PTPRD: variants seen among roughly 807,000 people sequenced by gnomAD.
PTPRD encodes protein tyrosine phosphatase receptor type D.
A neutral mutation model predicts 214.5 loss-of-function variants in PTPRD; 34 were observed. The observed-to-expected ratio is 0.16, with a 90% CI of 0.12 to 0.21. The LOEUF (loss-of-function observed/expected upper bound fraction) is 0.21. Ranked by LOEUF, PTPRD falls within the 10% of genes least tolerant of loss-of-function variation. The pLI is 1.00. For missense variants in PTPRD, 2,545 were observed against 2,398.7 expected (o/e 1.06, Z -1.27); for synonymous variants, 1,128 against 845.7 (o/e 1.33, Z -5.79).
chr9:10,290,656 A>C (rs148010734), intron 3 of PTPRD, among the ~76,000 whole-genome samples: 29 of 152,254 alleles, frequency 1.9e-4, no homozygotes, highest in African/African-American at 6.3e-4. Context: ...GGTTTTAATT[A>C]AGGAGAGCAA....
intron 3 of PTPRD, among the ~76,000 whole-genome samples, chr9:10,226,367 G>A (rs776772980): frequency 4.6e-5 from 7 of 151,944 alleles, no homozygotes; most frequent in African/African-American, 1.7e-4. Context: ...ATGGAATATA[G>A]TCCTCCCTCC....
chr9:9,100,299 A>G (rs2099789513), intron 10 of PTPRD, among the ~76,000 whole-genome samples: 1 of 152,116 alleles, frequency 6.6e-6, no homozygotes, highest in African/African-American at 2.4e-5. Flanking sequence ...TATGCCTGCA[A>G]CCCTGTAGCT....
chr9:8,761,798 G>T (rs1185135944), intron 11 of PTPRD, among the ~76,000 whole-genome samples: 1 of 152,076 alleles, frequency 6.6e-6, no homozygotes, highest in African/African-American at 2.4e-5. Flanking sequence ...TCATTTTAAA[G>T]GTCACTAAAT....
intron 11 of PTPRD, among the ~76,000 whole-genome samples, chr9:8,775,508 G>A (rs1476104241): frequency 2.0e-5 from 3 of 152,118 alleles, no homozygotes; most frequent in East Asian, 3.9e-4. Flanking sequence ...ATATACTAAT[G>A]CTTTGGATTG....
chr9:9,230,445 G>T (rs562585729), intron 9 of PTPRD, among the ~76,000 whole-genome samples: 1 of 152,208 alleles, frequency 6.6e-6, no homozygotes, highest in South Asian at 2.1e-4. Flanking sequence ...AGATCTGTGA[G>T]CCATTTTAGC....
At chr9:9,368,292 T>G (rs754051982) in intron 9 of PTPRD, among the ~76,000 whole-genome samples, 3 of 147,558 alleles carry the variant, frequency 2.0e-5, no homozygotes, top group African/African-American at 7.6e-5. Flanking sequence ...CCTCACAGGA[T>G]TTTATGAGGT....
At chr9:8,994,524 G>T (rs1315072950) in intron 11 of PTPRD, among the ~76,000 whole-genome samples, 1 of 152,060 alleles carries the variant, frequency 6.6e-6, no homozygotes, top group African/African-American at 2.4e-5. Context: ...CAATAAATTT[G>T]AGAATATGAA....
intron 3 of PTPRD, among the ~76,000 whole-genome samples, chr9:10,093,649 T>G (rs1246954105): frequency 6.6e-6 from 1 of 151,512 alleles, no homozygotes; most frequent in Non-Finnish European, 1.5e-5. Context: ...ATTCATAAGT[T>G]CATTACAACA....
At chr9:8,618,081 T>C (rs548199052) in intron 14 of PTPRD, among the ~76,000 whole-genome samples, 2 of 152,150 alleles carry the variant, frequency 1.3e-5, no homozygotes, top group Non-Finnish European at 2.9e-5. Context: ...ATCTTCTCAC[T>C]GCTGCTTTCC....
At chr9:9,169,798 C>T (rs1417342744) in intron 10 of PTPRD, among the ~76,000 whole-genome samples, 1 of 152,084 alleles carries the variant, frequency 6.6e-6, no homozygotes. Context: ...CATAGGTGTG[C>T]CCAATCCAAA....
At chr9:10,528,298 T>A (rs981709572) in intron 2 of PTPRD, among the ~76,000 whole-genome samples, 1 of 152,170 alleles carries the variant, frequency 6.6e-6, no homozygotes, top group Non-Finnish European at 1.5e-5. Flanking sequence ...GTGCATGAGT[T>A]ATTCAAACTC....
chr9:9,110,109 G>A (rs181048321), intron 10 of PTPRD, among the ~76,000 whole-genome samples: 8 of 152,160 alleles, frequency 5.3e-5, no homozygotes, highest in Admixed American at 3.3e-4. Context: ...GAGAAGAAAA[G>A]GAATCGTATT....
At chr9:9,696,835 G>A (rs1277260133) in intron 7 of PTPRD, among the ~76,000 whole-genome samples, 1 of 151,910 alleles carries the variant, frequency 6.6e-6, no homozygotes, top group Non-Finnish European at 1.5e-5. Flanking sequence ...ATTTACTATT[G>A]CAATTTTGTT....
rs913940675 is a variant in PTPRD, at chr9:10,084,445, A to G, written c.-544-50655T>C. Among the ~76,000 whole-genome samples the G allele has an allele frequency of 2.6e-5, 4 of 152,112 alleles. No homozygotes were observed. In the East Asian group the frequency reaches 7.8e-4, roughly 30 times the overall value. ...AATAAAATGATAGAAGGGAAAAAAT[A>G]AAATCCATGATTAAACCAGTTTTTG... is the stretch of plus-strand genomic sequence containing the variant. On this transcript the variant is annotated intron_variant, in intron 3 of 45. Transcript: ENST00000381196.
At position 9,000,696 on chromosome 9, in the gene PTPRD, A is replaced by G. The variant is rs550912322; in HGVS notation, c.-104+18001T>C. Among the ~76,000 whole-genome samples the G allele has an allele frequency of 4.1e-3, 618 of 152,128 alleles. 9 individuals carry two copies. The highest frequency in any genetic ancestry group is 0.014 in the African/African-American group (597 of 41,524). ...TCTACCTTAGATGGCTATTATGCAC[A>G]TCTGACTGCTAAAAAACAGGCAGCT... On this transcript the variant is annotated intron_variant, in intron 11 of 45. Transcript: ENST00000381196.
chr9:9,735,765 C>T (rs2098281625), intron 6 of PTPRD, among the ~76,000 whole-genome samples: 1 of 152,092 alleles, frequency 6.6e-6, no homozygotes, highest in South Asian at 2.1e-4. Context: ...TGATCTATCT[C>T]TTAGAAACCT....
At chr9:10,439,089 G>C (rs1365573516) in intron 2 of PTPRD, among the ~76,000 whole-genome samples, 3 of 151,884 alleles carry the variant, frequency 2.0e-5, no homozygotes, top group Non-Finnish European at 4.4e-5. Context: ...ACCTTCACTT[G>C]CCACTGAGAA....
At chr9:10,555,924 G>A (rs893062899) in intron 2 of PTPRD, among the ~76,000 whole-genome samples, 11 of 152,090 alleles carry the variant, frequency 7.2e-5, no homozygotes, top group African/African-American at 1.7e-4. Flanking sequence ...AGAGCGTGAA[G>A]AGAATAGAGA....
intron 5 of PTPRD, among the ~76,000 whole-genome samples, chr9:9,815,076 G>C (rs1027389705): frequency 6.6e-6 from 1 of 152,002 alleles, no homozygotes; most frequent in African/African-American, 2.4e-5. Context: ...AAACAACAAA[G>C]CTTGATGCAC....
Sources: allele counts gnomAD v4.1 joint callset (sites outside exome capture counted in the v4.1 genomes callset), GRCh38; gene constraint gnomAD v4.1.1; transcripts MANE v1.5; gene names NCBI Gene and HGNC (gene_info 2026-07-23, HGNC 2026-07-21).